The following MSRA variants were observed in gnomAD, a reference collection of about 807,000 sequenced individuals.
MSRA encodes mitochondrial peptide methionine sulfoxide reductase.
In MSRA, 54 loss-of-function variants were observed where a neutral mutation model predicts 31.3. The observed-to-expected ratio is 1.73, with a 90% CI of 1.39 to 2.17. The LOEUF (loss-of-function observed/expected upper bound fraction) is 2.17. Among genes scored for constraint, MSRA ranks in the 30% most tolerant of loss-of-function variants. MSRA has a pLI of 0.00. For missense variants in MSRA, 507 were observed against 300.9 expected (o/e 1.69, Z -5.07); for synonymous variants, 169 against 116.5 (o/e 1.45, Z -2.90).
At chr8:10,337,755 C>A in intron 5 of MSRA, 1 of 702,666 alleles carries the variant, frequency 1.4e-6, no homozygotes, top group South Asian at 1.5e-5. Flanking sequence ...CTCACTGCAG[C>A]CTCCTCTGCT....
intron 1 of MSRA, among the ~76,000 whole-genome samples, chr8:10,063,932 T>G (rs370613284): frequency 6.6e-6 from 1 of 152,366 alleles, no homozygotes; most frequent in East Asian, 1.9e-4. Flanking sequence ...AAACTTGGCT[T>G]CTTCCACTTC....
intron 5 of MSRA, among the ~76,000 whole-genome samples, chr8:10,392,500 C>T (rs769510362): frequency 6.6e-6 from 1 of 152,106 alleles, no homozygotes; most frequent in South Asian, 2.1e-4. Context: ...CTGCTCCTTC[C>T]GCTCTTTCTC....
intron 1 of MSRA, among the ~76,000 whole-genome samples, chr8:10,196,477 G>A (rs545930836): frequency 6.6e-6 from 1 of 152,154 alleles, no homozygotes; most frequent in South Asian, 2.1e-4. Flanking sequence ...AAATAACTTT[G>A]CTGCTTCTGT....
chr8:10,089,135 G>GT (rs553109321), intron 1 of MSRA, among the ~76,000 whole-genome samples: 24 of 79,556 alleles, frequency 3.0e-4, no homozygotes, highest in African/African-American at 9.1e-4. Flanking sequence ...AGCTGCTTTT[G>GT]TCCCACACAC....
chr8:10,175,932 C>G (rs1806009595), intron 1 of MSRA, among the ~76,000 whole-genome samples: 1 of 152,216 alleles, frequency 6.6e-6, no homozygotes, highest in African/African-American at 2.4e-5. Flanking sequence ...TGGGATAAGG[C>G]AGCATCATTT....
chr8:10,096,108 C>A (rs917042619), intron 1 of MSRA: 201 of 1,292,578 alleles, frequency 1.6e-4, no homozygotes, highest in South Asian at 2.0e-4. Flanking sequence ...TTTCAAGGAG[C>A]CTTTCTAAGA....
chr8:10,135,122 C>G (rs148814784), intron 1 of MSRA, among the ~76,000 whole-genome samples: 4,584 of 152,350 alleles, frequency 0.03, 303 homozygotes, highest in Admixed American at 0.16. Context: ...GAACTTGACA[C>G]TTTGTCATCA....
At chr8:10,081,276 C>G (rs544853901) in intron 1 of MSRA, among the ~76,000 whole-genome samples, 1 of 152,328 alleles carries the variant, frequency 6.6e-6, no homozygotes, top group South Asian at 2.1e-4. Context: ...AACCTGGCAT[C>G]CCATAGCTGA....
intron 4 of MSRA, among the ~76,000 whole-genome samples, chr8:10,308,713 C>A (rs892422540): frequency 6.6e-6 from 1 of 152,204 alleles, no homozygotes; most frequent in South Asian, 2.1e-4. Context: ...GTTACTGTCG[C>A]CTTCATCTGT....
At chr8:10,138,224 A>G (rs750154093) in intron 1 of MSRA, among the ~76,000 whole-genome samples, 10 of 152,164 alleles carry the variant, frequency 6.6e-5, no homozygotes, top group African/African-American at 1.9e-4. Context: ...TTTAAAATGG[A>G]TATCTCTTTG....
At chr8:10,418,710 T>C (rs1808625576) in intron 5 of MSRA, among the ~76,000 whole-genome samples, 1 of 148,976 alleles carries the variant, frequency 6.7e-6, no homozygotes, top group Non-Finnish European at 1.5e-5. Flanking sequence ...TCTAAGGACT[T>C]CTAGAGATAG....
At chr8:10,134,589 G>T (rs1278846929) in intron 1 of MSRA, among the ~76,000 whole-genome samples, 2 of 152,230 alleles carry the variant, frequency 1.3e-5, no homozygotes, top group Non-Finnish European at 2.9e-5. Context: ...ACAGGCTCGA[G>T]TCTAAGTTTA....
chr8:10,206,831 G>C (rs1024639810), intron 1 of MSRA, among the ~76,000 whole-genome samples: 4 of 152,154 alleles, frequency 2.6e-5, no homozygotes, highest in African/African-American at 9.7e-5. Flanking sequence ...TTTAATGTTT[G>C]TTTTTGCAGT....
At chr8:10,109,532 C>T (rs927985252) in intron 1 of MSRA, among the ~76,000 whole-genome samples, 6 of 151,804 alleles carry the variant, frequency 4.0e-5, no homozygotes, top group Admixed American at 1.3e-4. Flanking sequence ...TTGGTAGAGA[C>T]GGTTTTACCA....
intron 1 of MSRA, among the ~76,000 whole-genome samples, chr8:10,086,881 A>G (rs1342603302): frequency 6.6e-6 from 1 of 150,846 alleles, no homozygotes; most frequent in African/African-American, 2.4e-5. Context: ...GGAGAGGGAG[A>G]GAGAGAGGGA....
At chr8:10,054,703 T>C in intron 1 of MSRA, 45 bp downstream of exon 1, 1 of 1,463,666 alleles carries the variant, frequency 6.8e-7, no homozygotes, top group African/African-American at 1.5e-5. Flanking sequence ...ACGCTGCGCA[T>C]GCGCGCCTTT....
At chr8:10,384,288 T>C (rs1270262074) in intron 5 of MSRA, among the ~76,000 whole-genome samples, 1 of 152,148 alleles carries the variant, frequency 6.6e-6, no homozygotes, top group Non-Finnish European at 1.5e-5. Flanking sequence ...CGCCGTCAAA[T>C]CCATTGAGAG....
intron 5 of MSRA, among the ~76,000 whole-genome samples, chr8:10,419,255 C>T (rs1808669556): frequency 6.6e-6 from 1 of 152,178 alleles, no homozygotes; most frequent in Non-Finnish European, 1.5e-5. Context: ...TTCCTTATCC[C>T]ACAGCCCCAA....
At chr8:10,137,410 C>G (rs1399568548) in intron 1 of MSRA, among the ~76,000 whole-genome samples, 1 of 152,108 alleles carries the variant, frequency 6.6e-6, no homozygotes, top group Admixed American at 6.5e-5. Context: ...TCTTTGAGAG[C>G]AAGCAAAGTA....
Sources: allele counts gnomAD v4.1 joint callset (sites outside exome capture counted in the v4.1 genomes callset), GRCh38; gene constraint gnomAD v4.1.1; transcripts MANE v1.5; gene names NCBI Gene and HGNC (gene_info 2026-07-23, HGNC 2026-07-21).